The following UBE2E2 variants were observed in gnomAD, a reference collection of about 807,000 sequenced individuals.
The protein encoded by UBE2E2 is ubiquitin-conjugating enzyme E2 E2.
UBE2E2 carries 6 observed loss-of-function variants against 24.7 expected under a neutral mutation model. That is an observed-to-expected ratio of 0.24 (90% CI 0.13 to 0.48). UBE2E2 has a LOEUF of 0.48. UBE2E2 is among the 20% of genes least tolerant of loss of function. The probability of loss-of-function intolerance (pLI) is 0.99; values close to 1 mark genes in which losing one functional copy is unlikely to be tolerated. For missense variants in UBE2E2, 169 were observed against 245.0 expected (o/e 0.69, Z 2.07); for synonymous variants, 104 against 83.6 (o/e 1.24, Z -1.33).
chr3:23,471,355 A>G (rs1363390449), intron 3 of UBE2E2, among the ~76,000 whole-genome samples: 1 of 152,230 alleles, frequency 6.6e-6, no homozygotes, highest in African/African-American at 2.4e-5. Flanking sequence ...CTCAAAGCTA[A>G]GTATCCTTAT....
rs985027957 is a variant in UBE2E2, at chr3:23,432,332, C to T, written c.228-67276C>T. On this transcript the variant is annotated intron_variant, in intron 3 of 5. Transcript: ENST00000396703. ...AATTATTATTTGTATGAGGATTCTT[C>T]GTTCATAATTGGCAAAAAGTGAAAC... 3.9e-5 allele frequency among the ~76,000 whole-genome samples: 6 copies of T among 152,006 alleles called. No individual in the cohort carries two copies. In the East Asian group the frequency reaches 9.7e-4, roughly 24 times the overall value.
chr3:23,274,376 C>T (rs35346188), intron 3 of UBE2E2, among the ~76,000 whole-genome samples: 5 of 152,002 alleles, frequency 3.3e-5, no homozygotes, highest in African/African-American at 9.6e-5. Flanking sequence ...AACAGAGTGA[C>T]GAGTCCCTCT....
At chr3:23,206,796 C>T (rs1696158416) in intron 1 of UBE2E2, among the ~76,000 whole-genome samples, 1 of 152,150 alleles carries the variant, frequency 6.6e-6, no homozygotes, top group African/African-American at 2.4e-5. Flanking sequence ...GATGAATTTT[C>T]ATCAGTGTCA....
intron 3 of UBE2E2, among the ~76,000 whole-genome samples, chr3:23,364,987 G>A (rs1448000237): frequency 1.3e-5 from 2 of 152,078 alleles, no homozygotes; most frequent in African/African-American, 4.8e-5. Flanking sequence ...CAATAAATGT[G>A]ATTTGCCACA....
At chr3:23,252,339 T>C (rs1324992268) in intron 3 of UBE2E2, among the ~76,000 whole-genome samples, 2 of 152,162 alleles carry the variant, frequency 1.3e-5, no homozygotes, top group African/African-American at 4.8e-5. Flanking sequence ...TTTAGGATGC[T>C]GTAACAGTGA....
At position 23,589,838 on chromosome 3, in the gene UBE2E2, G is replaced by C. The variant is rs746212766; in HGVS notation, c.*7G>C. ...CAAGCGGTACGCCACATAGGGGCCTGCTGCCTGCCGCCCCGCGGGACCTGT... is the reference window on the plus strand; with the variant it reads ...CAAGCGGTACGCCACATAGGGGCCTCCTGCCTGCCGCCCCGCGGGACCTGT... On this transcript the variant is annotated 3_prime_UTR_variant, in exon 6 of 6. Transcript: ENST00000396703. This position sits in a 1 kb window ranked among gnomAD's most constrained non-coding sequence, Gnocchi z 4.1. The C allele has an allele frequency of 3.7e-6, 6 of 1,613,804 alleles. No homozygotes were observed. In the African/African-American group the frequency reaches 8.0e-5, roughly 22 times the overall value.
At chr3:23,294,363 T>A (rs939624294) in intron 3 of UBE2E2, among the ~76,000 whole-genome samples, 1 of 152,100 alleles carries the variant, frequency 6.6e-6, no homozygotes, top group African/African-American at 2.4e-5. Context: ...TCAGTTAGTT[T>A]TATAAGAGGA....
intron 3 of UBE2E2, among the ~76,000 whole-genome samples, chr3:23,456,602 G>T (rs1388539888): frequency 6.6e-6 from 1 of 152,244 alleles, no homozygotes; most frequent in Non-Finnish European, 1.5e-5. Context: ...TGCATTGTCA[G>T]TGAGCAGTAG....
chr3:23,461,615 GT>G (rs527959236), intron 3 of UBE2E2, among the ~76,000 whole-genome samples: 2 of 151,218 alleles, frequency 1.3e-5, no homozygotes, highest in African/African-American at 2.4e-5. Context: ...CTTTATACAG[GT>G]TTTTTTTAAT....
At chr3:23,441,619 A>G (rs1396843697) in intron 3 of UBE2E2, among the ~76,000 whole-genome samples, 1 of 151,652 alleles carries the variant, frequency 6.6e-6, no homozygotes, top group Non-Finnish European at 1.5e-5. Context: ...AGACTTTGTT[A>G]GAGGAGCTCA....
intron 3 of UBE2E2, among the ~76,000 whole-genome samples, chr3:23,285,545 C>T (rs541412887): frequency 3.5e-4 from 53 of 152,230 alleles, no homozygotes; most frequent in Middle Eastern, 3.4e-3. Context: ...TTGTTATTGC[C>T]TGTCTTTGGA....
chr3:23,567,929 G>A (rs575432960), intron 5 of UBE2E2, among the ~76,000 whole-genome samples: 62 of 152,296 alleles, frequency 4.1e-4, no homozygotes, highest in Non-Finnish European at 5.6e-4. Flanking sequence ...CTCCTTTTTA[G>A]AGGTAATGGT....
At position 23,261,756 on chromosome 3, in the gene UBE2E2, C is replaced by T. The variant is rs577604082; in HGVS notation, c.227+44444C>T. Among the ~76,000 whole-genome samples the T allele has an allele frequency of 7.9e-5, 12 of 152,258 alleles. No homozygotes were observed. In the South Asian group the frequency reaches 8.3e-4, roughly 11 times the overall value. Reference sequence around the variant, plus strand: ...CTTTCTCACTTCACTTAGCATAATGCGCTTCAGAATCATCCAATGTGTAGC... The same window carrying T: ...CTTTCTCACTTCACTTAGCATAATGTGCTTCAGAATCATCCAATGTGTAGC... On this transcript the variant is annotated intron_variant, in intron 3 of 5. Transcript: ENST00000396703.
At chr3:23,439,240 G>A (rs58522464) in intron 3 of UBE2E2, among the ~76,000 whole-genome samples, 10,869 of 152,198 alleles carry the variant, frequency 0.071, 512 homozygotes, top group Non-Finnish European at 0.088. Flanking sequence ...CCCTTCATGC[G>A]TATTCTTCCT....
intron 5 of UBE2E2, among the ~76,000 whole-genome samples, chr3:23,580,736 A>G (rs1262770300): frequency 2.6e-5 from 4 of 152,194 alleles, no homozygotes; most frequent in Non-Finnish European, 5.9e-5. Context: ...TGCTTGAACT[A>G]AATGTTGAGA....
chr3:23,431,504 T>TA (rs11397342), intron 3 of UBE2E2, among the ~76,000 whole-genome samples: 69,947 of 151,762 alleles, frequency 0.46, 16,523 homozygotes, highest in East Asian at 0.6. Flanking sequence ...TTTAAATCAT[T>TA]AAAAAAACTT....
rs548794480 is a variant in UBE2E2 at position 23,394,197 on chromosome 3, G to A, written c.228-105411G>A. Among the ~76,000 whole-genome samples, 193 of 152,276 alleles carry A rather than the reference G, an allele frequency of 1.3e-3. 2 individuals are homozygous for A. The highest frequency in any genetic ancestry group is 4.5e-3 in the African/African-American group (188 of 41,564). On this transcript the variant is annotated intron_variant, in intron 3 of 5. Transcript: ENST00000396703. ...ATGTGGGCCTGCAGTCCCAGAACAC[G>A]CAATTTTGCCTAAGATAGTAATTTA...
chr3:23,351,151 A>G (rs1243020053), intron 3 of UBE2E2, among the ~76,000 whole-genome samples: 3 of 152,226 alleles, frequency 2.0e-5, no homozygotes, highest in African/African-American at 7.2e-5. Flanking sequence ...TCATAAGTGA[A>G]GGAGAAATAA....
intron 3 of UBE2E2, among the ~76,000 whole-genome samples, chr3:23,453,628 G>C (rs1698614666): frequency 6.6e-6 from 1 of 152,062 alleles, no homozygotes; most frequent in Non-Finnish European, 1.5e-5. Context: ...TCTGAATCTG[G>C]AAAGGGAATC....
Sources: allele counts gnomAD v4.1 joint callset (sites outside exome capture counted in the v4.1 genomes callset), GRCh38; gene constraint gnomAD v4.1.1; non-coding constraint Gnocchi (gnomAD v3.1); transcripts MANE v1.5; gene names NCBI Gene and HGNC (gene_info 2026-07-23, HGNC 2026-07-21).